The following ACVR2B variants were observed in gnomAD, a reference collection of about 807,000 sequenced individuals.
ACVR2B encodes the protein activin receptor type-2B.
Under a neutral mutation model 65.1 loss-of-function variants are expected in ACVR2B, and 18 were observed. That is an observed-to-expected ratio of 0.28 (90% CI 0.19 to 0.41). ACVR2B has a LOEUF of 0.41. ACVR2B is among the 10% of genes least tolerant of loss of function. The pLI is 1.00. For synonymous variants in ACVR2B, 298 were observed against 277.7 expected, an observed-to-expected ratio of 1.07 and a Z score of -0.73; for missense variants, 482 against 682.7, an observed-to-expected ratio of 0.71 and a Z score of 3.28.
chr3:38,479,772 A>G lies in ACVR2B; in HGVS notation c.905A>G (p.His302Arg). 1.9e-6 allele frequency: 3 copies of G among 1,614,242 alleles called. No individual in the cohort carries two copies. The highest frequency in any genetic ancestry group is 2.5e-6 in the Non-Finnish European group (3 of 1,180,042). ...ETMSRGLSYL[H>R]EDVPWCRGEG... is the part of the protein sequence containing the mutation. ...ATGTCACGAGGCCTCTCATACCTGC[A>G]TGAGGATGTGCCCTGGTGCCGTGGC... Residue 302 changes from histidine to arginine, a missense_variant, in exon 7 of 11, where the codon CAT becomes CGT. This residue lies in a region of ACVR2B where 223 missense variants were observed against 386.3 expected (regional missense o/e 0.58). Coordinates refer to ENST00000352511, the MANE Select transcript of ACVR2B (RefSeq NM_001106.4).
rs746804204 is a variant in ACVR2B at position 38,481,308 on chromosome 3, G to A, written c.960-43G>A. 6.5e-7 allele frequency: 1 copy of A among 1,528,302 alleles called. No homozygotes were observed. The highest frequency in any genetic ancestry group is 1.1e-5 in the South Asian group (1 of 89,190). The allele number at this position is 1,528,302 out of a possible 1,614,324, so 94.7% of individuals were successfully genotyped here. On this transcript the variant is annotated intron_variant, in intron 7 of 10. Coordinates refer to ENST00000352511, the MANE Select transcript of ACVR2B (RefSeq NM_001106.4). The surrounding 1 kb of genome is among the most constrained non-coding windows in gnomAD (Gnocchi z 4.7). The stretch of plus-strand genomic sequence containing the variant: ...ATCTTGGGAACCAAGGTGGGAGTTG[G>A]ATCATGATGTTAAGCTTTATCTCTG...
intron 8 of ACVR2B, 133 bp from the exon 9 acceptor site, chr3:38,482,065 G>A: frequency 8.8e-7 from 1 of 1,140,880 alleles, no homozygotes. Flanking sequence ...ATCGAGGTTT[G>A]CTATCATTGA....
rs922530799 is a variant in ACVR2B, at chr3:38,454,073, G to T, written c.-250G>T. ...GGCCCGTGCCCCGCCGCCGCCCCCCGGCCCCCGCGTCGCCCCGGAGCCCGG... is the reference window on the plus strand; with the variant it reads ...GGCCCGTGCCCCGCCGCCGCCCCCCTGCCCCCGCGTCGCCCCGGAGCCCGG... On this transcript the variant is annotated 5_prime_UTR_variant, in exon 1 of 11. Coordinates refer to ENST00000352511, the MANE Select transcript of ACVR2B (RefSeq NM_001106.4). 6.9e-6 allele frequency: 1 copy of T among 144,100 alleles called. No individual in the cohort carries two copies. Among genetic ancestry groups the T allele is most frequent in the South Asian group, 1.9e-4 (1 of 5,284 alleles). 8.9% of individuals were successfully genotyped at this position (144,100 alleles called of 1,614,324 possible).
intron 1 of ACVR2B, among the ~76,000 whole-genome samples, chr3:38,466,652 C>T (rs553174133): frequency 2.0e-3 from 301 of 152,116 alleles, no homozygotes; most frequent in African/African-American, 6.8e-3. Context: ...TACAGGCACA[C>T]GCCACCAAGC....
intron 1 of ACVR2B, among the ~76,000 whole-genome samples, chr3:38,471,940 A>G (rs141623366): frequency 0.019 from 2,863 of 152,346 alleles, 52 homozygotes; most frequent in Non-Finnish European, 0.028. Flanking sequence ...GACAAAAAGC[A>G]TATGTATTAG....
intron 1 of ACVR2B, among the ~76,000 whole-genome samples, chr3:38,468,679 G>GAA (rs1709771729): frequency 6.6e-6 from 1 of 152,118 alleles, no homozygotes; most frequent in Non-Finnish European, 1.5e-5. Context: ...GGGTTCTGTG[G>GAA]GGGAAGTCAC....
rs781234846 is a variant in ACVR2B at position 38,477,386 on chromosome 3, G to A, written c.152G>A (p.Gly51Asp). The change falls in exon 2 of 11, where the codon GGC (glycine) becomes GAC (aspartate). Residue 51 changes from glycine to aspartate, a missense_variant. Coordinates refer to ENST00000352511, the MANE Select transcript of ACVR2B (RefSeq NM_001106.4). This position sits in a 1 kb window ranked among gnomAD's most constrained non-coding sequence, Gnocchi z 6.7. ...TNQSGLERCE[G>D]EQDKRLHCYA... Reference sequence around the variant, plus strand: ...CAGAGCGGCCTGGAGCGCTGCGAAGGCGAGCAGGACAAGCGGCTGCACTGC... The same window carrying A: ...CAGAGCGGCCTGGAGCGCTGCGAAGACGAGCAGGACAAGCGGCTGCACTGC... The A allele has an allele frequency of 3.1e-6, 5 of 1,614,162 alleles. No homozygotes were observed. Among genetic ancestry groups the A allele is most frequent in the Non-Finnish European group, 4.2e-6 (5 of 1,180,020 alleles).
In ACVR2B at chr3:38,492,312, T is replaced by C. The variant is rs534937647; in HGVS notation, c.*8980T>C. The C allele has an allele frequency of 1.1e-4, 17 of 152,756 alleles. No individual in the cohort carries two copies. In the East Asian group the frequency reaches 1.2e-3, roughly 10 times the overall value. 9.5% of individuals were successfully genotyped at this position (152,756 alleles called of 1,614,324 possible). A position where few individuals can be genotyped will look rare whatever the true frequency, so the allele number is the denominator to read the frequency against. On this transcript the variant is annotated 3_prime_UTR_variant, in exon 11 of 11. Transcript: ENST00000352511. ...GCTTAGGATGGATAGCTAAGTCTTA[T>C]TGAGCTGTGTTACCTAACTTGTATA...
At chr3:38,462,937 G>A (rs1228777483) in intron 1 of ACVR2B, among the ~76,000 whole-genome samples, 1 of 152,174 alleles carries the variant, frequency 6.6e-6, no homozygotes, top group East Asian at 1.9e-4. Context: ...TTGGCTCTCT[G>A]CGGTAATCTG....
Position 38,477,062 on chromosome 3 carries a change from G to A in ACVR2B, c.53-225G>A. 3.3e-6 allele frequency: 2 copies of A among 603,404 alleles called. No homozygotes were observed. Among genetic ancestry groups the A allele is most frequent in the Non-Finnish European group, 2.9e-6 (1 of 339,048 alleles). 37.4% of individuals were successfully genotyped at this position (603,404 alleles called of 1,614,324 possible). A position where few individuals can be genotyped will look rare whatever the true frequency, so the allele number is the denominator to read the frequency against. ...GCTTAGGCCTAGGGGCAGCTGTGAT[G>A]GGCTGCAGAATGAGGTGGGGGCTGG... On this transcript the variant is annotated intron_variant, in intron 1 of 10. Coordinates refer to ENST00000352511, the MANE Select transcript of ACVR2B (RefSeq NM_001106.4). This position sits in a 1 kb window ranked among gnomAD's most constrained non-coding sequence, Gnocchi z 6.7.
chr3:38,490,248 C>A lies in ACVR2B; in HGVS notation c.*6916C>A, dbSNP rs1339681177. 2 of 152,258 alleles carry A rather than the reference C, an allele frequency of 1.3e-5. No homozygotes were observed. The highest frequency in any genetic ancestry group is 2.9e-5 in the Non-Finnish European group (2 of 68,060). The allele number at this position is 152,258 out of a possible 1,614,324, so 9.4% of individuals were successfully genotyped here. A position where few individuals can be genotyped will look rare whatever the true frequency, so the allele number is the denominator to read the frequency against. On this transcript the variant is annotated 3_prime_UTR_variant, in exon 11 of 11. Coordinates refer to ENST00000352511, the MANE Select transcript of ACVR2B (RefSeq NM_001106.4). ...GCCAGTCCTGAGGCCCAGCTGAAGACCTGTCCCCCAGACCCTGCCCGCTGG... is the reference window on the plus strand; with the variant it reads ...GCCAGTCCTGAGGCCCAGCTGAAGAACTGTCCCCCAGACCCTGCCCGCTGG...
intron 1 of ACVR2B, among the ~76,000 whole-genome samples, chr3:38,456,932 C>G (rs947240942): frequency 6.6e-6 from 1 of 152,188 alleles, no homozygotes; most frequent in Non-Finnish European, 1.5e-5. Flanking sequence ...ACTGGCCTGG[C>G]ACAGTGGCTC....
Position 38,478,364 on chromosome 3 carries a change from C to T in ACVR2B, c.523-11C>T. 6.2e-7 allele frequency: 1 copy of T among 1,614,048 alleles called. No homozygotes were observed. The highest frequency in any genetic ancestry group is 2.2e-5 in the East Asian group (1 of 44,868). On this transcript the variant is annotated splice_polypyrimidine_tract_variant and intron_variant, in intron 4 of 10. Coordinates refer to ENST00000352511, the MANE Select transcript of ACVR2B (RefSeq NM_001106.4). The stretch of plus-strand genomic sequence containing the variant: ...ACAGGCCAGACCTTTTTAAGCCTTG[C>T]TCTCCCCCAGGACCCTGGGCCTCCA...
chr3:38,464,108 G>C (rs1163991796), intron 1 of ACVR2B, among the ~76,000 whole-genome samples: 2 of 152,226 alleles, frequency 1.3e-5, no homozygotes, highest in Non-Finnish European at 2.9e-5. Flanking sequence ...AGTCACATTG[G>C]AGGTTAGGGC....
intron 1 of ACVR2B, chr3:38,454,679 G>A: frequency 3.7e-6 from 1 of 271,248 alleles, no homozygotes; most frequent in East Asian, 6.1e-5. Context: ...GGAACCCAGG[G>A]AAAGAGTGAG....
intron 1 of ACVR2B, among the ~76,000 whole-genome samples, chr3:38,471,930 G>A (rs759680573): frequency 3.3e-5 from 5 of 152,114 alleles, no homozygotes; most frequent in Non-Finnish European, 5.9e-5. Flanking sequence ...ATGGATGAAG[G>A]ACAAAAAGCA....
chr3:38,477,586 G>A lies in ACVR2B; in HGVS notation c.260+92G>A. The A allele has an allele frequency of 7.0e-7, 1 of 1,430,384 alleles. No individual in the cohort carries two copies. The highest frequency in any genetic ancestry group is 9.7e-7 in the Non-Finnish European group (1 of 1,034,220). The allele number at this position is 1,430,384 out of a possible 1,614,324, so 88.6% of individuals were successfully genotyped here. On this transcript the variant is annotated intron_variant, in intron 2 of 10. Transcript: ENST00000352511. This position sits in a 1 kb window ranked among gnomAD's most constrained non-coding sequence, Gnocchi z 6.7. The stretch of plus-strand genomic sequence containing the variant: ...TGGGTCTCAGGATGTCTGAGTGGGA[G>A]ATAAAGGACCAAGAAGGGGCTCTTG...
At chr3:38,479,012 G>T in intron 5 of ACVR2B, 116 bp from the exon 6 acceptor site, 3 of 1,395,688 alleles carry the variant, frequency 2.1e-6, no homozygotes, top group Non-Finnish European at 3.0e-6. Flanking sequence ...GGTGGGGATT[G>T]GGCTGGGAGG....
In ACVR2B at chr3:38,487,429, G is replaced by A. The variant is rs1710142396; in HGVS notation, c.*4097G>A. On this transcript the variant is annotated 3_prime_UTR_variant, in exon 11 of 11. Coordinates refer to ENST00000352511, the MANE Select transcript of ACVR2B (RefSeq NM_001106.4). ...AGCAAAGCACTTCATCCTGTAGTTG[G>A]GCTCTGTCACCTTTCTCTTCAGTTG... is the stretch of plus-strand genomic sequence containing the variant. The A allele has an allele frequency of 1.3e-5, 2 of 152,202 alleles. No homozygotes were observed. Among genetic ancestry groups the A allele is most frequent in the Non-Finnish European group, 2.9e-5 (2 of 68,086 alleles). 9.4% of individuals were successfully genotyped at this position (152,202 alleles called of 1,614,324 possible). A position where few individuals can be genotyped will look rare whatever the true frequency, so the allele number is the denominator to read the frequency against.
Sources: gnomAD v4.1 joint callset for allele counts (sites outside exome capture counted in the v4.1 genomes callset) on GRCh38, gnomAD v4.1.1 for gene constraint, gnomAD v4.1.1 regional missense constraint, Gnocchi (gnomAD v3.1) non-coding constraint, MANE v1.5 for transcripts, NCBI Gene and HGNC (gene_info 2026-07-23, HGNC 2026-07-21) for gene names.